Variants in TBC1D32 observed in about 807,000 individuals in gnomAD.
TBC1D32 encodes the protein protein broad-minded.
A neutral mutation model predicts 170.3 loss-of-function variants in TBC1D32; 151 were observed. The observed-to-expected ratio is 0.89, with a 90% confidence interval of 0.78 to 1.01. The LOEUF (loss-of-function observed/expected upper bound fraction) is 1.01. Ranked by LOEUF, TBC1D32 falls within the 50% of genes least tolerant of loss-of-function variation. The pLI, the probability that TBC1D32 is intolerant of heterozygous loss-of-function variation, is 0.00. For missense variants in TBC1D32, 1,464 were observed against 1,457.1 expected (o/e 1.00, Z -0.08); for synonymous variants, 498 against 488.0 (o/e 1.02, Z -0.27).
chr6:121,185,231 C>T (rs1261413431), intron 22 of TBC1D32, among the ~76,000 whole-genome samples: 1 of 152,022 alleles, frequency 6.6e-6, no homozygotes, highest in African/African-American at 2.4e-5. Context: ...ATATATGATA[C>T]AACCTATAAA....
intron 20 of TBC1D32, among the ~76,000 whole-genome samples, chr6:121,226,397 A>C (rs1313449784): frequency 6.6e-6 from 1 of 152,192 alleles, no homozygotes; most frequent in Non-Finnish European, 1.5e-5. Context: ...GCAGTCAGGC[A>C]GAGATGTGCT....
intron 30 of TBC1D32, among the ~76,000 whole-genome samples, chr6:121,101,924 A>G (rs1464950353): frequency 6.6e-6 from 1 of 152,154 alleles, no homozygotes; most frequent in East Asian, 1.9e-4. Context: ...AAAAATCACA[A>G]GCATTCTTAT....
At chr6:121,228,986 G>A (rs964225607) in intron 20 of TBC1D32, among the ~76,000 whole-genome samples, 1 of 152,006 alleles carries the variant, frequency 6.6e-6, no homozygotes, top group Non-Finnish European at 1.5e-5. Context: ...ATTATAAAAT[G>A]TGTCTCTTAA....
chr6:121,249,230 A>T (rs1415382705), intron 17 of TBC1D32, among the ~76,000 whole-genome samples: 1 of 151,736 alleles, frequency 6.6e-6, no homozygotes, highest in African/African-American at 2.4e-5. Context: ...TTATTATCTC[A>T]ATAAAAACAA....
chr6:121,188,794 G>A (rs2128283023), intron 22 of TBC1D32, among the ~76,000 whole-genome samples: 1 of 152,208 alleles, frequency 6.6e-6, no homozygotes, highest in South Asian at 2.1e-4. Flanking sequence ...ATAAAAAATA[G>A]TGGTTAGTAG....
intron 25 of TBC1D32, among the ~76,000 whole-genome samples, chr6:121,130,754 G>C (rs532494009): frequency 4.8e-4 from 73 of 152,166 alleles, no homozygotes; most frequent in African/African-American, 1.7e-3. Flanking sequence ...TGCAAATTAA[G>C]AGTTTATATT....
intron 1 of TBC1D32, among the ~76,000 whole-genome samples, chr6:121,329,894 T>C (rs1481129349): frequency 2.6e-5 from 4 of 152,172 alleles, no homozygotes; most frequent in Non-Finnish European, 5.9e-5. Flanking sequence ...ACAAGTATTT[T>C]ACATCTCCTA....
At chr6:121,181,301 T>C (rs373523062) in intron 22 of TBC1D32, among the ~76,000 whole-genome samples, 3 of 152,198 alleles carry the variant, frequency 2.0e-5, no homozygotes, top group South Asian at 2.1e-4. Flanking sequence ...TGGGAGGTGA[T>C]TGGATCATGA....
intron 21 of TBC1D32, among the ~76,000 whole-genome samples, chr6:121,213,290 T>C (rs1400483705): frequency 6.6e-6 from 1 of 151,854 alleles, no homozygotes; most frequent in Non-Finnish European, 1.5e-5. Context: ...TGATTCTATA[T>C]CTAGAGAACC....
At chr6:121,314,714 A>T (rs1224886219) in intron 3 of TBC1D32, among the ~76,000 whole-genome samples, 4 of 152,184 alleles carry the variant, frequency 2.6e-5, no homozygotes, top group Non-Finnish European at 4.4e-5. Context: ...AAAGGATACA[A>T]ATTCTGAAAG....
chr6:121,141,056 T>G (rs1324196366), intron 24 of TBC1D32, among the ~76,000 whole-genome samples: 1 of 152,166 alleles, frequency 6.6e-6, no homozygotes, highest in African/African-American at 2.4e-5. Flanking sequence ...CAATAAATAT[T>G]TATGTACTGC....
chr6:121,237,988 G>C (rs1448954683), intron 20 of TBC1D32, among the ~76,000 whole-genome samples: 1 of 152,012 alleles, frequency 6.6e-6, no homozygotes, highest in African/African-American at 2.4e-5. Context: ...AAATTTAGCA[G>C]TTACATTGGC....
intron 12 of TBC1D32, among the ~76,000 whole-genome samples, chr6:121,285,001 G>A (rs1234870452): frequency 1.3e-5 from 2 of 151,986 alleles, no homozygotes; most frequent in Non-Finnish European, 2.9e-5. Flanking sequence ...CAATCAATGA[G>A]AAGAAAAGAT....
chr6:121,183,657 C>T (rs1210690552), intron 22 of TBC1D32, among the ~76,000 whole-genome samples: 1 of 152,042 alleles, frequency 6.6e-6, no homozygotes, highest in African/African-American at 2.4e-5. Context: ...ATCTTCTCTT[C>T]CCTTTTTGTA....
At chr6:121,261,426 C>A (rs1004875390) in intron 15 of TBC1D32, among the ~76,000 whole-genome samples, 1 of 152,168 alleles carries the variant, frequency 6.6e-6, no homozygotes, top group Non-Finnish European at 1.5e-5. Flanking sequence ...GAGCCAGGCA[C>A]CCATCTTTGC....
chr6:121,244,193 TAATA>T (rs1056375059), intron 17 of TBC1D32, among the ~76,000 whole-genome samples: 93 of 152,006 alleles, frequency 6.1e-4, no homozygotes, highest in African/African-American at 2.0e-3. Flanking sequence ...AAAATTTATA[TAATA>T]AATAAATATA....
At chr6:121,254,775 A>C (rs1157811380) in intron 17 of TBC1D32, among the ~76,000 whole-genome samples, 4 of 152,106 alleles carry the variant, frequency 2.6e-5, no homozygotes, top group Non-Finnish European at 5.9e-5. Flanking sequence ...GAACCCAGAA[A>C]AACATGTTGC....
chr6:121,301,544 G>T (rs763604608), intron 9 of TBC1D32, among the ~76,000 whole-genome samples: 5 of 152,116 alleles, frequency 3.3e-5, no homozygotes, highest in South Asian at 2.1e-4. Context: ...TTTGGGGGTG[G>T]GGTGCTAGGG....
intron 12 of TBC1D32, among the ~76,000 whole-genome samples, chr6:121,288,466 C>A (rs534808772): frequency 3.3e-5 from 5 of 152,284 alleles, no homozygotes; most frequent in Non-Finnish European, 5.9e-5. Context: ...GAAGTTGAAT[C>A]TCTGAATAGA....
Sources: gnomAD v4.1 joint callset for allele counts (sites outside exome capture counted in the v4.1 genomes callset) on GRCh38, gnomAD v4.1.1 for gene constraint, MANE v1.5 for transcripts, NCBI Gene and HGNC (gene_info 2026-07-23, HGNC 2026-07-21) for gene names.